The following CTNND2 variants were observed in gnomAD, a reference collection of about 807,000 sequenced individuals.
CTNND2 encodes catenin delta-2.
CTNND2 carries 22 observed loss-of-function variants against 144.4 expected under a neutral mutation model. That is an observed-to-expected ratio of 0.15 (90% CI 0.11 to 0.22). The LOEUF is 0.22. Among genes scored for constraint, CTNND2 ranks in the 10% least tolerant of loss-of-function variants. The pLI is 1.00. For synonymous variants in CTNND2, 751 were observed against 695.6 expected, an observed-to-expected ratio of 1.08 and a Z score of -1.25; for missense variants, 1,353 against 1,618.8, an observed-to-expected ratio of 0.84 and a Z score of 2.82.
chr5:11,600,058 T>C (rs558327964), intron 2 of CTNND2, among the ~76,000 whole-genome samples: 1 of 152,276 alleles, frequency 6.6e-6, no homozygotes, highest in African/African-American at 2.4e-5. Context: ...GATCTGAATT[T>C]AAATTGTCTA....
intron 6 of CTNND2, among the ~76,000 whole-genome samples, chr5:11,387,363 G>T (rs1263348912): frequency 6.6e-6 from 1 of 152,112 alleles, no homozygotes; most frequent in Non-Finnish European, 1.5e-5. Context: ...GGTGATTATG[G>T]TGCTGGTCAA....
intron 2 of CTNND2, among the ~76,000 whole-genome samples, chr5:11,696,387 G>C (rs1254057141): frequency 6.6e-6 from 1 of 152,124 alleles, no homozygotes; most frequent in East Asian, 1.9e-4. Flanking sequence ...AATCAGCCTT[G>C]GGCTATAGTT....
At chr5:11,435,117 A>G (rs924448217) in intron 3 of CTNND2, among the ~76,000 whole-genome samples, 4 of 140,466 alleles carry the variant, frequency 2.8e-5, no homozygotes, top group Non-Finnish European at 6.0e-5. Flanking sequence ...CTTTTTTACT[A>G]TTTATTTATT....
At chr5:10,983,121 T>C (rs1215730156) in intron 20 of CTNND2, among the ~76,000 whole-genome samples, 1 of 152,202 alleles carries the variant, frequency 6.6e-6, no homozygotes, top group Non-Finnish European at 1.5e-5. Context: ...CACAGTAATT[T>C]ATTGTATATT....
chr5:11,643,018 G>A (rs1340507028), intron 2 of CTNND2, among the ~76,000 whole-genome samples: 1 of 152,070 alleles, frequency 6.6e-6, no homozygotes, highest in Non-Finnish European at 1.5e-5. Context: ...TGTCACTAGA[G>A]TCCTGAATTT....
At chr5:10,984,331 T>A (rs1737667794) in intron 20 of CTNND2, among the ~76,000 whole-genome samples, 2 of 152,242 alleles carry the variant, frequency 1.3e-5, no homozygotes, top group Non-Finnish European at 2.9e-5. Context: ...CTTAGATAGA[T>A]CTGCCTTCAG....
At chr5:11,097,748 A>C (rs2973510) in intron 15 of CTNND2, among the ~76,000 whole-genome samples, 53,433 of 151,976 alleles carry the variant, frequency 0.35, 9,664 homozygotes, top group African/African-American at 0.43. Flanking sequence ...AAATAAATGT[A>C]AAGGAAAGGA....
chr5:11,598,594 C>T (rs1779634459), intron 2 of CTNND2, among the ~76,000 whole-genome samples: 1 of 152,094 alleles, frequency 6.6e-6, no homozygotes, highest in Non-Finnish European at 1.5e-5. Context: ...CATTAAGCCT[C>T]CTATGAGAGG....
At chr5:11,108,493 T>A (rs1752640279) in intron 14 of CTNND2, among the ~76,000 whole-genome samples, 1 of 152,186 alleles carries the variant, frequency 6.6e-6, no homozygotes, top group Non-Finnish European at 1.5e-5. Context: ...TTAAATTGAC[T>A]ACAGTGCACT....
intron 1 of CTNND2, among the ~76,000 whole-genome samples, chr5:11,770,454 AGGAAGGAAGG>A (rs1329974038): frequency 3.1e-3 from 307 of 100,520 alleles, no homozygotes; most frequent in African/African-American, 5.6e-3. Context: ...GAAGGAAGGA[AGGAAGGAAGG>A]GGTAGGGGTA....
rs549751376 is a variant in CTNND2 at position 11,495,307 on chromosome 5, AC to A, written c.287+69636del. ...TCATTTACTAAATGCCAAATACTTC[AC>A]TTTAAAACCTCATCTTGAGGAATAT... On this transcript the variant is annotated intron_variant, in intron 3 of 21. Coordinates refer to ENST00000304623, the MANE Select transcript of CTNND2 (RefSeq NM_001332.4). 8.7e-4 allele frequency among the ~76,000 whole-genome samples: 132 copies of A among 152,334 alleles called. 1 individual carries two copies. Among genetic ancestry groups the A allele is most frequent in the Non-Finnish European group, 1.2e-3 (84 of 68,032 alleles).
At chr5:11,812,435 C>G (rs576333783) in intron 1 of CTNND2, among the ~76,000 whole-genome samples, 1 of 152,142 alleles carries the variant, frequency 6.6e-6, no homozygotes, top group South Asian at 2.1e-4. Context: ...CCTTCTCATC[C>G]TCTTATTCCA....
chr5:11,703,678 G>GT (rs1785558966), intron 2 of CTNND2, among the ~76,000 whole-genome samples: 2 of 152,182 alleles, frequency 1.3e-5, no homozygotes, highest in African/African-American at 4.8e-5. Flanking sequence ...CAATTTCACA[G>GT]TATTACTGTA....
In CTNND2 at chr5:11,265,144, T is replaced by C. The variant is rs542821037; in HGVS notation, c.1629-28321A>G. On this transcript the variant is annotated intron_variant, in intron 9 of 21. Transcript: ENST00000304623. ...CAAAACAAACACAGGCTAAATTGTA[T>C]TAAATCAAAAAAACTGCCATAAATG... 4.6e-5 allele frequency among the ~76,000 whole-genome samples: 7 copies of C among 152,254 alleles called. No homozygotes were observed. The South Asian group carries it at 6.2e-4, about 14-fold the overall frequency.
At chr5:11,010,538 C>T (rs1740964005) in intron 18 of CTNND2, among the ~76,000 whole-genome samples, 1 of 152,184 alleles carries the variant, frequency 6.6e-6, no homozygotes, top group African/African-American at 2.4e-5. Context: ...GAGAACATGA[C>T]TTCAGTTTGC....
intron 2 of CTNND2, among the ~76,000 whole-genome samples, chr5:11,651,156 C>G (rs1293225814): frequency 6.6e-6 from 1 of 151,400 alleles, no homozygotes; most frequent in Non-Finnish European, 1.5e-5. Context: ...CCCCACCACT[C>G]TGTGCGACCT....
chr5:11,218,635 T>C (rs1219975700), intron 10 of CTNND2, among the ~76,000 whole-genome samples: 1 of 152,204 alleles, frequency 6.6e-6, no homozygotes, highest in Non-Finnish European at 1.5e-5. Flanking sequence ...CAAGCTTCCT[T>C]TTTAGCTTGA....
chr5:11,651,148 C>T (rs1481149073), intron 2 of CTNND2, among the ~76,000 whole-genome samples: 1 of 152,104 alleles, frequency 6.6e-6, no homozygotes. Flanking sequence ...GCCCAGGGCC[C>T]CACCACTCTG....
intron 12 of CTNND2, among the ~76,000 whole-genome samples, chr5:11,144,465 T>C (rs1046627980): frequency 3.9e-5 from 6 of 152,100 alleles, no homozygotes; most frequent in Non-Finnish European, 7.4e-5. Flanking sequence ...GTCTCCCCAC[T>C]TGGACTCACC....
Sources: gnomAD v4.1 joint callset for allele counts (sites outside exome capture counted in the v4.1 genomes callset) on GRCh38, gnomAD v4.1.1 for gene constraint, MANE v1.5 for transcripts, NCBI Gene and HGNC (gene_info 2026-07-23, HGNC 2026-07-21) for gene names.